DYNC1I1: variants seen among roughly 807,000 people sequenced by gnomAD.
DYNC1I1 encodes cytoplasmic dynein 1 intermediate chain 1.
A neutral mutation model predicts 86.6 loss-of-function variants in DYNC1I1; 43 were observed. That is an observed-to-expected ratio of 0.50 (90% CI 0.39 to 0.64). The LOEUF is 0.64. DYNC1I1 is among the 30% of genes least tolerant of loss of function. The probability of loss-of-function intolerance (pLI) is 0.00; values close to 1 mark genes in which losing one functional copy is unlikely to be tolerated. For missense variants in DYNC1I1, 604 were observed against 788.8 expected (o/e 0.77, Z 2.81); for synonymous variants, 262 against 283.7 (o/e 0.92, Z 0.77).
At chr7:95,848,149 A>G (rs1789482777) in intron 5 of DYNC1I1, among the ~76,000 whole-genome samples, 1 of 150,670 alleles carries the variant, frequency 6.6e-6, no homozygotes, top group East Asian at 2.0e-4. Flanking sequence ...CCGTCTTACC[A>G]TTTTTCAGTA....
At chr7:95,971,029 G>A (rs1793156126) in intron 6 of DYNC1I1, among the ~76,000 whole-genome samples, 2 of 152,146 alleles carry the variant, frequency 1.3e-5, no homozygotes, top group Admixed American at 1.3e-4. Flanking sequence ...TGAGGGCAGT[G>A]CTCAGGTATC....
chr7:95,796,439 T>G (rs963625937), intron 1 of DYNC1I1, among the ~76,000 whole-genome samples: 2 of 152,080 alleles, frequency 1.3e-5, no homozygotes, highest in Non-Finnish European at 2.9e-5. Flanking sequence ...CCTTCCCGAG[T>G]AGCTGGGATT....
intron 6 of DYNC1I1, among the ~76,000 whole-genome samples, chr7:95,883,193 A>G (rs778838693): frequency 1.2e-4 from 19 of 152,190 alleles, no homozygotes; most frequent in Non-Finnish European, 2.6e-4. Flanking sequence ...AATAATTTAT[A>G]AATTTTACTT....
intron 6 of DYNC1I1, among the ~76,000 whole-genome samples, chr7:95,937,010 A>G (rs1584177284): frequency 6.7e-6 from 1 of 148,582 alleles, no homozygotes; most frequent in East Asian, 1.9e-4. Context: ...CAGCAATTAC[A>G]AAAAAAGAAG....
At chr7:95,811,133 T>C (rs1236901551) in intron 3 of DYNC1I1, among the ~76,000 whole-genome samples, 1 of 152,194 alleles carries the variant, frequency 6.6e-6, no homozygotes, top group East Asian at 1.9e-4. Flanking sequence ...ATTTTATCAC[T>C]AAAGCTTGGA....
At chr7:96,056,552 CT>C (rs928839104) in intron 14 of DYNC1I1, among the ~76,000 whole-genome samples, 1 of 152,034 alleles carries the variant, frequency 6.6e-6, no homozygotes, top group Non-Finnish European at 1.5e-5. Context: ...CTACATAATC[CT>C]TTTAGATAAT....
Position 96,098,074 on chromosome 7 carries a change from G to C in DYNC1I1, c.*481G>C, listed in dbSNP as rs1288582127. On this transcript the variant is annotated 3_prime_UTR_variant, in exon 17 of 17. Coordinates refer to ENST00000447467, the MANE Select transcript of DYNC1I1 (RefSeq NM_001135556.2). Reference sequence around the variant, plus strand: ...ATGGATTTACTAGAAGAACATTGCTGCTCCTTATTTATTGTAGTGTGCTGC... The same window carrying C: ...ATGGATTTACTAGAAGAACATTGCTCCTCCTTATTTATTGTAGTGTGCTGC... 6.1e-6 allele frequency: 6 copies of C among 988,342 alleles called. No homozygotes were observed. Among genetic ancestry groups the C allele is most frequent in the Non-Finnish European group, 7.2e-6 (6 of 831,480 alleles). The allele number at this position is 988,342 out of a possible 1,614,324, so 61.2% of individuals were successfully genotyped here. A position where few individuals can be genotyped will look rare whatever the true frequency, so the allele number is the denominator to read the frequency against.
intron 6 of DYNC1I1, among the ~76,000 whole-genome samples, chr7:95,911,275 G>C (rs1258179141): frequency 6.6e-6 from 1 of 152,206 alleles, no homozygotes; most frequent in East Asian, 1.9e-4. Context: ...GAAGTGATCT[G>C]AAGCCAGGAG....
chr7:96,109,544 A>T (rs1791277995), intron 16 of DYNC1I1, among the ~76,000 whole-genome samples: 1 of 152,110 alleles, frequency 6.6e-6, no homozygotes, highest in Non-Finnish European at 1.5e-5. Context: ...CTCTCTAAAC[A>T]CTACTGTAAC....
At chr7:95,927,831 C>A (rs973589079) in intron 6 of DYNC1I1, among the ~76,000 whole-genome samples, 1 of 152,176 alleles carries the variant, frequency 6.6e-6, no homozygotes, top group African/African-American at 2.4e-5. Flanking sequence ...CTTCTGAAGA[C>A]CAGAACTGAT....
chr7:96,067,170 A>G (rs1790017404), intron 14 of DYNC1I1, among the ~76,000 whole-genome samples: 1 of 152,312 alleles, frequency 6.6e-6, no homozygotes, highest in East Asian at 1.9e-4. Context: ...ACCGGCATCT[A>G]GACATAAGAC....
intron 1 of DYNC1I1, among the ~76,000 whole-genome samples, chr7:95,773,359 T>C (rs1461087162): frequency 6.6e-6 from 1 of 152,196 alleles, no homozygotes; most frequent in Non-Finnish European, 1.5e-5. Flanking sequence ...GGCTGGGGGA[T>C]GTTGTTTTGG....
At chr7:95,792,811 G>T (rs999997557) in intron 1 of DYNC1I1, among the ~76,000 whole-genome samples, 8 of 152,062 alleles carry the variant, frequency 5.3e-5, no homozygotes, top group African/African-American at 1.9e-4. Context: ...TGATTGAGTT[G>T]AGACAGAAAG....
chr7:96,053,830 A>G (rs539754093), intron 14 of DYNC1I1, among the ~76,000 whole-genome samples: 2 of 152,134 alleles, frequency 1.3e-5, no homozygotes, highest in Non-Finnish European at 2.9e-5. Context: ...ACAATGTGGC[A>G]TGAGTAGAAT....
In DYNC1I1 at chr7:95,829,204, A is replaced by T. The variant is rs370408433; in HGVS notation, c.374+1088A>T. Among the ~76,000 whole-genome samples the T allele has an allele frequency of 2.0e-5, 3 of 152,132 alleles. No individual in the cohort carries two copies. In the South Asian group the frequency reaches 6.2e-4, roughly 31 times the overall value. ...TGAGGTTCTGTCAGTTTCAATGCCT[A>T]CTGTAGGTATAAAAGGAGGTTGAAG... On this transcript the variant is annotated intron_variant, in intron 5 of 16. Transcript: ENST00000447467.
chr7:95,788,858 G>A (rs1054541819), intron 1 of DYNC1I1, among the ~76,000 whole-genome samples: 1 of 152,152 alleles, frequency 6.6e-6, no homozygotes, highest in African/African-American at 2.4e-5. Flanking sequence ...TAGAAAAGGA[G>A]GCAGATGTAT....
chr7:95,968,830 G>C (rs1793088125), intron 6 of DYNC1I1, among the ~76,000 whole-genome samples: 5 of 110,574 alleles, frequency 4.5e-5, no homozygotes, highest in African/African-American at 2.3e-4. Flanking sequence ...TGCTCTGTGT[G>C]TGTGTGTGTG....
At chr7:95,958,796 A>T (rs1261648017) in intron 6 of DYNC1I1, among the ~76,000 whole-genome samples, 1 of 152,222 alleles carries the variant, frequency 6.6e-6, no homozygotes, top group Admixed American at 6.5e-5. Context: ...GTCCCAAAAT[A>T]TGCCTTAATG....
rs181938080 is a variant in DYNC1I1 at position 95,988,746 on chromosome 7, G to A, written c.843+1591G>A. Among the ~76,000 whole-genome samples, 8 of 152,240 alleles carry A rather than the reference G, an allele frequency of 5.3e-5. No individual in the cohort carries two copies. In the South Asian group the frequency reaches 8.3e-4, roughly 16 times the overall value. On this transcript the variant is annotated intron_variant, in intron 9 of 16. Coordinates refer to ENST00000447467, the MANE Select transcript of DYNC1I1 (RefSeq NM_001135556.2). ...TTCTTGTTGTCAATGCTTTTATTGG[G>A]AATAATAGTCATAGCTAGCTTTTAA... is the stretch of plus-strand genomic sequence containing the variant.
Sources: allele counts gnomAD v4.1 joint callset (sites outside exome capture counted in the v4.1 genomes callset), GRCh38; gene constraint gnomAD v4.1.1; transcripts MANE v1.5; gene names NCBI Gene and HGNC (gene_info 2026-07-23, HGNC 2026-07-21).